Variants in SMU1 observed in about 807,000 individuals in gnomAD.
SMU1 encodes the protein SMU1 DNA replication regulator and spliceosomal factor, also known as WD40 repeat-containing protein SMU1.
In SMU1, 2 loss-of-function variants were observed where a neutral mutation model predicts 62.0. The ratio of observed to expected loss-of-function variants is 0.03; its 90% CI spans 0.01 to 0.10. The LOEUF is 0.10. Ranked by LOEUF, SMU1 falls within the 10% of genes least tolerant of loss-of-function variation. SMU1 has a pLI of 1.00. For synonymous variants in SMU1, 188 were observed against 212.4 expected, an observed-to-expected ratio of 0.89 and a Z score of 1.00; for missense variants, 227 against 622.1, an observed-to-expected ratio of 0.36 and a Z score of 6.76.
rs144927433 is a variant in SMU1, at chr9:33,063,193, C to T, written c.502-1016G>A. 9.8e-5 allele frequency among the ~76,000 whole-genome samples: 15 copies of T among 152,320 alleles called. No individual in the cohort carries two copies. In the East Asian group the frequency reaches 2.7e-3, roughly 27 times the overall value. On this transcript the variant is annotated intron_variant, in intron 4 of 11. Coordinates refer to ENST00000397149, the MANE Select transcript of SMU1 (RefSeq NM_018225.3). ...CCTGGTCAACATGGTGAAACCCCATCTCTACTAAAATTACAAAAATTAGCC... is the reference window on the plus strand; with the variant it reads ...CCTGGTCAACATGGTGAAACCCCATTTCTACTAAAATTACAAAAATTAGCC...
At position 33,046,465 on chromosome 9, in the gene SMU1, T is replaced by G. The variant is rs1305149474; in HGVS notation, c.*828A>C. ...AATTCACTTCTGCTGTACTTGAGAT[T>G]CAGGGATAATAATGTGACTCCTCCT... On this transcript the variant is annotated 3_prime_UTR_variant, in exon 12 of 12. Coordinates refer to ENST00000397149, the MANE Select transcript of SMU1 (RefSeq NM_018225.3). 6.6e-6 allele frequency: 1 copy of G among 151,952 alleles called. No homozygotes were observed. The highest frequency in any genetic ancestry group is 1.5e-5 in the Non-Finnish European group (1 of 68,018). 9.4% of individuals were successfully genotyped at this position (151,952 alleles called of 1,614,324 possible). A position where few individuals can be genotyped will look rare whatever the true frequency, so the allele number is the denominator to read the frequency against.
rs1166655789 is a variant in SMU1 at position 33,053,233 on chromosome 9, C to T, written c.1180G>A (p.Ala394Thr). 6.2e-7 allele frequency: 1 copy of T among 1,612,156 alleles called. No homozygotes were observed. The highest frequency in any genetic ancestry group is 8.5e-7 in the Non-Finnish European group (1 of 1,179,546). ...SNTFKSLGST[A>T]GTDITVNSVI... is the part of the protein sequence containing the mutation. Reference sequence around the variant, plus strand: ...CTGTTGACGGTAATATCTGTCCCTGCGGTGCTGCCCAGGGATTTAAAGGTA... The same window carrying T: ...CTGTTGACGGTAATATCTGTCCCTGTGGTGCTGCCCAGGGATTTAAAGGTA... The change falls in exon 10 of 12, where the codon GCA becomes ACA. Residue 394 changes from alanine to threonine, a missense_variant. This residue lies in a region of SMU1 where 98 missense variants were observed against 195.9 expected (regional missense o/e 0.50). Coordinates refer to ENST00000397149, the MANE Select transcript of SMU1 (RefSeq NM_018225.3).
At chr9:33,062,658 T>C (rs1021892782) in intron 4 of SMU1, among the ~76,000 whole-genome samples, 1 of 152,180 alleles carries the variant, frequency 6.6e-6, no homozygotes, top group African/African-American at 2.4e-5. Context: ...CTGTAAAATA[T>C]ATCCCATCTA....
At position 33,067,594 on chromosome 9, in the gene SMU1, G is replaced by A. The variant is rs189046249; in HGVS notation, c.501+1230C>T. On this transcript the variant is annotated intron_variant, in intron 4 of 11. Transcript: ENST00000397149. ...GCTCACTGCAACCTCTGCCTCCTGGGTTCATGTGATTCTCCTGCCTCAGCC... is the reference window on the plus strand; with the variant it reads ...GCTCACTGCAACCTCTGCCTCCTGGATTCATGTGATTCTCCTGCCTCAGCC... Among the ~76,000 whole-genome samples, 495 of 151,508 alleles carry A rather than the reference G, an allele frequency of 3.3e-3. 1 individual carries two copies. The highest frequency in any genetic ancestry group is 0.017 in the Middle Eastern group (5 of 290).
intron 4 of SMU1, among the ~76,000 whole-genome samples, chr9:33,065,789 G>A (rs1369158631): frequency 6.6e-6 from 1 of 152,212 alleles, no homozygotes; most frequent in Non-Finnish European, 1.5e-5. Context: ...TTAGCCTCAA[G>A]AGAAATCAGG....
intron 4 of SMU1, among the ~76,000 whole-genome samples, chr9:33,062,846 G>C (rs982880661): frequency 6.6e-6 from 1 of 152,104 alleles, no homozygotes; most frequent in Non-Finnish European, 1.5e-5. Flanking sequence ...ATCCAAAAAA[G>C]AACATGAATG....
At chr9:33,053,332 AAAAATTTC>A (rs1564020500) in intron 9 of SMU1, 42 bp from the exon 10 acceptor site, 1 of 1,566,688 alleles carries the variant, frequency 6.4e-7, no homozygotes, top group Non-Finnish European at 8.7e-7. Context: ...TTTTAGGTAT[AAAAATTTC>A]TAAAGTTTTA....
intron 4 of SMU1, among the ~76,000 whole-genome samples, chr9:33,064,940 G>A (rs1028831060): frequency 3.3e-5 from 5 of 151,904 alleles, no homozygotes; most frequent in African/African-American, 7.3e-5. Context: ...ACAAGGTTTC[G>A]CCACGTTGGC....
At chr9:33,060,440 G>A in intron 6 of SMU1, 25 bp downstream of exon 6, 1 of 1,583,918 alleles carries the variant, frequency 6.3e-7, no homozygotes, top group Non-Finnish European at 8.5e-7. Context: ...CCACTAGGAA[G>A]GTTAACACAT....
intron 10 of SMU1, among the ~76,000 whole-genome samples, chr9:33,051,717 T>C (rs945160086): frequency 6.6e-6 from 1 of 152,134 alleles, no homozygotes; most frequent in Non-Finnish European, 1.5e-5. Flanking sequence ...GGGGAAGACG[T>C]GACTATAAAG....
At chr9:33,059,887 C>T (rs1165036448) in intron 6 of SMU1, among the ~76,000 whole-genome samples, 4 of 151,910 alleles carry the variant, frequency 2.6e-5, no homozygotes, top group Non-Finnish European at 5.9e-5. Flanking sequence ...GCTGGGATTA[C>T]AGGCCTGAGC....
At chr9:33,065,174 G>A (rs1839406347) in intron 4 of SMU1, among the ~76,000 whole-genome samples, 1 of 152,066 alleles carries the variant, frequency 6.6e-6, no homozygotes. Flanking sequence ...CAGATCCAAG[G>A]GCCTATACTG....
rs1230200091 is a variant in SMU1, at chr9:33,045,963, G to T, written c.*1330C>A. On this transcript the variant is annotated 3_prime_UTR_variant, in exon 12 of 12. Transcript: ENST00000397149. ...TAACATTTAAAAGGGGGCACAAAAG[G>T]CCTGCAGAAATAAGAACTCACGTTC... 6.6e-6 allele frequency: 1 copy of T among 152,176 alleles called. No homozygotes were observed. The highest frequency in any genetic ancestry group is 2.4e-5 in the African/African-American group (1 of 41,434). 9.4% of individuals were successfully genotyped at this position (152,176 alleles called of 1,614,324 possible).
rs1290277193 is a variant in SMU1 at position 33,062,131 on chromosome 9, G to A, written c.548C>T (p.Thr183Ile). 6.2e-7 allele frequency: 1 copy of A among 1,613,882 alleles called. No individual in the cohort carries two copies. The highest frequency in any genetic ancestry group is 8.5e-7 in the Non-Finnish European group (1 of 1,179,922). The change falls in exon 5 of 12, where the codon ACC (threonine) becomes ATC (isoleucine). Residue 183 changes from threonine to isoleucine, a missense_variant. This residue lies in a region of SMU1 where 99 missense variants were observed against 270.3 expected (regional missense o/e 0.37). Coordinates refer to ENST00000397149, the MANE Select transcript of SMU1 (RefSeq NM_018225.3). ...QHQGLLPPGMTIDLFRGKAAV... is the reference protein window; with the variant it reads ...QHQGLLPPGMIIDLFRGKAAV... ...TGCCTTGCCTCGAAACAAATCTATG[G>A]TCATACCAGGAGGAAGCAATCCCTG...
chr9:33,054,864 G>A (rs563926482), intron 9 of SMU1, among the ~76,000 whole-genome samples: 10 of 152,294 alleles, frequency 6.6e-5, no homozygotes, highest in East Asian at 1.9e-4. Context: ...AATTAAGAAC[G>A]CTAAGGCTTC....
At chr9:33,063,320 C>G (rs1839383807) in intron 4 of SMU1, among the ~76,000 whole-genome samples, 1 of 152,036 alleles carries the variant, frequency 6.6e-6, no homozygotes, top group Non-Finnish European at 1.5e-5. Flanking sequence ...CAAGATCGCA[C>G]CACTGCACTC....
chr9:33,057,852 G>T, intron 6 of SMU1, 138 bp from the exon 7 acceptor site: 1 of 945,928 alleles, frequency 1.1e-6, no homozygotes, highest in Non-Finnish European at 1.6e-6. Flanking sequence ...GTGCATACAC[G>T]TTCCTAGTAA....
chr9:33,049,789 A>ACACACAC (rs1554680200), intron 10 of SMU1, among the ~76,000 whole-genome samples: 1 of 100,704 alleles, frequency 9.9e-6, no homozygotes, highest in Non-Finnish European at 2.3e-5. Flanking sequence ...CACACACACA[A>ACACACAC]AAGTCGGGCA....
intron 4 of SMU1, 99 bp from the exon 5 acceptor site, chr9:33,062,276 A>C: frequency 2.0e-6 from 3 of 1,479,422 alleles, no homozygotes; most frequent in Non-Finnish European, 2.7e-6. Context: ...GGTTCAGAGA[A>C]AGCTGTGAGC....
Sources: gnomAD v4.1 joint callset for allele counts (sites outside exome capture counted in the v4.1 genomes callset) on GRCh38, gnomAD v4.1.1 for gene constraint, gnomAD v4.1.1 regional missense constraint, MANE v1.5 for transcripts, NCBI Gene and HGNC (gene_info 2026-07-23, HGNC 2026-07-21) for gene names.